Variants in HYDIN observed in about 807,000 individuals in gnomAD.
HYDIN encodes the protein axonemal central pair apparatus protein HYDIN.
A neutral mutation model predicts 403.9 loss-of-function variants in HYDIN; 132 were observed. The observed-to-expected ratio is 0.33, with a 90% CI of 0.28 to 0.38. The LOEUF (loss-of-function observed/expected upper bound fraction) is 0.38. Ranked by LOEUF, HYDIN falls within the 10% of genes least tolerant of loss-of-function variation. The pLI is 1.00. For missense variants in HYDIN, 2,827 were observed against 5,009.5 expected (o/e 0.56, Z 13.15); for synonymous variants, 1,202 against 1,891.7 (o/e 0.64, Z 9.46).
In HYDIN at chr16:70,901,029, T is replaced by C. The variant is rs567807752; in HGVS notation, c.9023A>G (p.Asn3008Ser). The C allele has an allele frequency of 1.5e-6, 1 of 646,766 alleles. No homozygotes were observed. Among genetic ancestry groups the C allele is most frequent in the Admixed American group, 2.9e-5 (1 of 35,056 alleles). 40.1% of individuals were successfully genotyped at this position (646,766 alleles called of 1,614,324 possible). The change falls in exon 53 of 86, where the codon AAC (asparagine) becomes AGC (serine). Residue 3008 changes from asparagine to serine, a missense_variant. Coordinates refer to ENST00000393567, the MANE Select transcript of HYDIN (RefSeq NM_001270974.2). ...HLYFQPTKPVNIKKAIRLEVL... is the reference protein window; with the variant it reads ...HLYFQPTKPVSIKKAIRLEVL... Reference sequence around the variant, plus strand: ...CTCCAACCGAATAGCCTTCTTGATGTTGACAGGCTTGGTGGGCTGAAAGTA... The same window carrying C: ...CTCCAACCGAATAGCCTTCTTGATGCTGACAGGCTTGGTGGGCTGAAAGTA...
intron 17 of HYDIN, among the ~76,000 whole-genome samples, chr16:71,061,315 T>A (rs1202481282): frequency 1.3e-5 from 2 of 149,962 alleles, no homozygotes; most frequent in Non-Finnish European, 3.0e-5. Context: ...GTTTTATAAG[T>A]TAAGTGGCTT....
intron 29 of HYDIN, among the ~76,000 whole-genome samples, chr16:70,980,140 T>C (rs1217355742): frequency 1.3e-5 from 2 of 150,148 alleles, no homozygotes; most frequent in South Asian, 4.3e-4. Flanking sequence ...TGAAATTATA[T>C]GTAGAGCTGG....
chr16:70,861,317 C>T (rs1456914166), intron 69 of HYDIN, among the ~76,000 whole-genome samples: 1 of 151,694 alleles, frequency 6.6e-6, no homozygotes, highest in Non-Finnish European at 1.5e-5. Context: ...GCTGAGGTGG[C>T]CTAGGTGTGG....
rs930932163 is a variant in HYDIN at position 70,854,438 on chromosome 16, G to A, written c.12443+690C>T. 1.0e-4 allele frequency among the ~76,000 whole-genome samples: 15 copies of A among 150,470 alleles called. No homozygotes were observed. In the South Asian group the frequency reaches 2.5e-3, roughly 25 times the overall value. On this transcript the variant is annotated intron_variant, in intron 73 of 85. Transcript: ENST00000393567. ...ATTTATTAATTTTTTTTTTGAGAGG[G>A]AGTTTCGCTCTTGTCACCCTGGCCA...
intron 64 of HYDIN, among the ~76,000 whole-genome samples, chr16:70,873,146 G>A (rs1483299150): frequency 1.1e-4 from 4 of 36,250 alleles, no homozygotes; most frequent in Non-Finnish European, 2.2e-4. Flanking sequence ...TTTGTTTGGT[G>A]AGAAAATATT....
At chr16:70,854,288 G>A (rs996528905) in intron 73 of HYDIN, among the ~76,000 whole-genome samples, 1 of 141,910 alleles carries the variant, frequency 7.0e-6, no homozygotes, top group Non-Finnish European at 1.6e-5. Flanking sequence ...AAGCTGGAGT[G>A]CAGTGGTGCA....
rs1597449782 is a variant in HYDIN, at chr16:70,974,364, G to C, written c.4910-64C>G. The C allele has an allele frequency of 6.7e-6, 10 of 1,494,748 alleles. No individual in the cohort carries two copies. In the East Asian group the frequency reaches 1.9e-4, roughly 28 times the overall value. The allele number at this position is 1,494,748 out of a possible 1,614,324, so 92.6% of individuals were successfully genotyped here. ...GAAACAGCAAACAAGAGCTGCTCTA[G>C]AGAAAGCCCCCACTGGGTCAGAATG... On this transcript the variant is annotated intron_variant, in intron 32 of 85. Coordinates refer to ENST00000393567, the MANE Select transcript of HYDIN (RefSeq NM_001270974.2).
Position 71,228,969 on chromosome 16 carries a change from T to C in HYDIN, c.-24+1593A>G, listed in dbSNP as rs527340774. ...GGCACATATATACCATGGAATACTA[T>C]GCAGCCATAAAAAAGGATGAGTTCA... On this transcript the variant is annotated intron_variant, in intron 1 of 85. Coordinates refer to ENST00000393567, the MANE Select transcript of HYDIN (RefSeq NM_001270974.2). Among the ~76,000 whole-genome samples the C allele has an allele frequency of 6.5e-4, 99 of 152,126 alleles. 1 individual carries two copies. The South Asian group carries it at 0.02, about 31-fold the overall frequency.
At chr16:71,224,042 C>A (rs1166672404) in intron 1 of HYDIN, among the ~76,000 whole-genome samples, 1 of 152,200 alleles carries the variant, frequency 6.6e-6, no homozygotes, top group African/African-American at 2.4e-5. Flanking sequence ...TGGAACCAAC[C>A]TAAGTGCCCA....
chr16:71,199,411 TG>T lies in HYDIN; in HGVS notation c.-23-12494del, dbSNP rs534853915. On this transcript the variant is annotated intron_variant, in intron 1 of 85. Coordinates refer to ENST00000393567, the MANE Select transcript of HYDIN (RefSeq NM_001270974.2). ...GGCTCCCTCTATCCTTGGCAGGCTC[TG>T]GTCATCAATCCCTGTTGCATTATCC... Among the ~76,000 whole-genome samples the T allele has an allele frequency of 1.2e-4, 18 of 152,322 alleles. 1 individual carries two copies. In the South Asian group the frequency reaches 3.3e-3, roughly 28 times the overall value.
Position 70,882,761 on chromosome 16 carries a change from T to G in HYDIN, c.10114A>C (p.Asn3372His). 6.7e-7 allele frequency: 1 copy of G among 1,490,542 alleles called. No individual in the cohort carries two copies. Among genetic ancestry groups the G allele is most frequent in the East Asian group, 2.3e-5 (1 of 44,220 alleles). The allele number at this position is 1,490,542 out of a possible 1,614,324, so 92.3% of individuals were successfully genotyped here. Residue 3372 changes from asparagine to histidine, a missense_variant, in exon 60 of 86, where the codon AAT becomes CAT. Coordinates refer to ENST00000393567, the MANE Select transcript of HYDIN (RefSeq NM_001270974.2). Reference protein sequence around the residue: ...VEDENKFIFCNVLVGRQAKAR... With the variant: ...VEDENKFIFCHVLVGRQAKAR... The stretch of plus-strand genomic sequence containing the variant: ...TTGGCTTGGCGGCCCACCAGGACAT[T>G]GCAGAAGATGAACTTGTTCTCATCC...
chr16:71,069,123 T>C (rs2144302040), intron 14 of HYDIN, 144 bp downstream of exon 14: 1 of 692,254 alleles, frequency 1.4e-6, no homozygotes, highest in African/African-American at 1.8e-5. Flanking sequence ...TTTATTTCCT[T>C]ATAGGCCCAC....
intron 55 of HYDIN, among the ~76,000 whole-genome samples, chr16:70,893,259 C>T (rs1305565306): frequency 6.6e-6 from 1 of 152,126 alleles, no homozygotes; most frequent in Admixed American, 6.5e-5. Context: ...ACAGCTAATG[C>T]CCCTGTCTTA....
At chr16:71,215,090 T>C (rs550792220) in intron 1 of HYDIN, among the ~76,000 whole-genome samples, 1 of 152,270 alleles carries the variant, frequency 6.6e-6, no homozygotes, top group Non-Finnish European at 1.5e-5. Flanking sequence ...AATCAATTCA[T>C]CAATCAAATA....
Position 70,831,323 on chromosome 16 carries a change from A to C in HYDIN, c.13900-1493T>G, listed in dbSNP as rs531203118. Among the ~76,000 whole-genome samples, 6 of 151,526 alleles carry C rather than the reference A, an allele frequency of 4.0e-5. No individual in the cohort carries two copies. In the South Asian group the frequency reaches 1.0e-3, roughly 26 times the overall value. On this transcript the variant is annotated intron_variant, in intron 80 of 85. Coordinates refer to ENST00000393567, the MANE Select transcript of HYDIN (RefSeq NM_001270974.2). ...TCAGGAGTTTGAGACCAACCCGGCC[A>C]ACATGGCAAAACCCTGTCTCTACTA...
At chr16:71,022,142 C>G (rs2080519113) in intron 21 of HYDIN, among the ~76,000 whole-genome samples, 1 of 151,862 alleles carries the variant, frequency 6.6e-6, no homozygotes, top group Non-Finnish European at 1.5e-5. Context: ...GAACTGTCCA[C>G]CCAGTGACCT....
At chr16:70,991,949 T>G (rs2079366525) in intron 24 of HYDIN, 121 bp downstream of exon 24, 6 of 1,520,232 alleles carry the variant, frequency 3.9e-6, no homozygotes, top group Non-Finnish European at 5.3e-6. Flanking sequence ...TAGAAGACAT[T>G]TATTAAACTG....
chr16:71,207,849 G>C (rs2088380103), intron 1 of HYDIN, among the ~76,000 whole-genome samples: 1 of 152,128 alleles, frequency 6.6e-6, no homozygotes, highest in Non-Finnish European at 1.5e-5. Flanking sequence ...ATGATGAAAG[G>C]TTTAATTTAA....
At chr16:70,907,232 C>T in intron 50 of HYDIN, 140 bp downstream of exon 50, 1 of 590,994 alleles carries the variant, frequency 1.7e-6, no homozygotes, top group East Asian at 2.9e-5. Flanking sequence ...CACAAGAACC[C>T]AGTTCTCCTG....
Sources: gnomAD v4.1 joint callset for allele counts (sites outside exome capture counted in the v4.1 genomes callset) on GRCh38, gnomAD v4.1.1 for gene constraint, MANE v1.5 for transcripts, NCBI Gene and HGNC (gene_info 2026-07-23, HGNC 2026-07-21) for gene names.